Variants in MMUT observed in about 807,000 individuals in gnomAD.
MMUT encodes methylmalonyl-CoA mutase, also known as methylmalonyl-CoA mutase, mitochondrial.
MMUT carries 79 observed loss-of-function variants against 79.9 expected under a neutral mutation model. The observed-to-expected ratio is 0.99, with a 90% CI of 0.82 to 1.19. The LOEUF is 1.19. MMUT is among the 50% of genes most tolerant of loss of function. The pLI is 0.00. For synonymous variants in MMUT, 273 were observed against 295.7 expected, an observed-to-expected ratio of 0.92 and a Z score of 0.79; for missense variants, 860 against 917.2, an observed-to-expected ratio of 0.94 and a Z score of 0.81.
At chr6:49,443,338 T>C (rs550174006) in intron 9 of MMUT, among the ~76,000 whole-genome samples, 1 of 152,262 alleles carries the variant, frequency 6.6e-6, no homozygotes, top group East Asian at 1.9e-4. Flanking sequence ...AGATTCCGAA[T>C]CCCTAAGCTC....
intron 4 of MMUT, 57 bp downstream of exon 4, chr6:49,456,023 A>G (rs760030829): frequency 9.7e-5 from 133 of 1,374,158 alleles, no homozygotes; most frequent in Non-Finnish European, 1.3e-4. Flanking sequence ...ATCAATATAT[A>G]AAATGGTCCT....
At chr6:49,455,104 T>G (rs1004116121) in intron 4 of MMUT, among the ~76,000 whole-genome samples, 1 of 151,900 alleles carries the variant, frequency 6.6e-6, no homozygotes, top group Non-Finnish European at 1.5e-5. Flanking sequence ...GTAACATTTC[T>G]TATGAAAAAT....
chr6:49,440,101 A>C, intron 11 of MMUT, 105 bp downstream of exon 11: 1 of 1,403,790 alleles, frequency 7.1e-7, no homozygotes, highest in Non-Finnish European at 1.0e-6. Flanking sequence ...ACCAGTTACC[A>C]GGAGATGTAT....
Position 49,434,049 on chromosome 6 carries a change from A to T in MMUT, c.2124+1407T>A, listed in dbSNP as rs1767057337. Reference sequence around the variant, plus strand: ...ATGTCAGCTCACTTATATAACAGGCATTTTTTTTTTCTCAACATGAATTCC... The same window carrying T: ...ATGTCAGCTCACTTATATAACAGGCTTTTTTTTTTTCTCAACATGAATTCC... On this transcript the variant is annotated intron_variant, in intron 12 of 12. Coordinates refer to ENST00000274813, the MANE Select transcript of MMUT (RefSeq NM_000255.4). Among the ~76,000 whole-genome samples, 4 of 149,918 alleles carry T rather than the reference A, an allele frequency of 2.7e-5. No individual in the cohort carries two copies. In the South Asian group the frequency reaches 8.4e-4, roughly 32 times the overall value.
chr6:49,457,614 A>G (rs1767721210), intron 3 of MMUT, 77 bp downstream of exon 3: 1 of 1,284,406 alleles, frequency 7.8e-7, no homozygotes, highest in Non-Finnish European at 1.1e-6. Context: ...TAAATTTTTA[A>G]ATTCAGTTAT....
At chr6:49,435,319 C>T in intron 12 of MMUT, 137 bp downstream of exon 12, 1 of 899,932 alleles carries the variant, frequency 1.1e-6, no homozygotes, top group Non-Finnish European at 1.7e-6. Flanking sequence ...CACTTTTAGA[C>T]CTTGTAGAAT....
chr6:49,442,448 C>T (rs1409107184), intron 9 of MMUT, among the ~76,000 whole-genome samples: 2 of 151,854 alleles, frequency 1.3e-5, no homozygotes, highest in East Asian at 1.9e-4. Flanking sequence ...ATAAATGAGA[C>T]CAAAGAAAAA....
At chr6:49,442,076 G>T (rs1767292067) in intron 9 of MMUT, 105 bp from the exon 10 acceptor site, 3 of 1,256,074 alleles carry the variant, frequency 2.4e-6, no homozygotes, top group South Asian at 1.4e-5. Flanking sequence ...ATAAGTAAAT[G>T]ACTGTAAAAA....
At position 49,431,670 on chromosome 6, in the gene MMUT, C is replaced by T. The variant is rs1468744401; in HGVS notation, c.*58G>A. ...TAAATTGAAGACATAGCTTTACTCTCTTCTTTGATCATAACTAAAATAATA... is the reference window on the plus strand; with the variant it reads ...TAAATTGAAGACATAGCTTTACTCTTTTCTTTGATCATAACTAAAATAATA... On this transcript the variant is annotated 3_prime_UTR_variant, in exon 13 of 13. Coordinates refer to ENST00000274813, the MANE Select transcript of MMUT (RefSeq NM_000255.4). The T allele has an allele frequency of 3.2e-6, 5 of 1,555,984 alleles. No individual in the cohort carries two copies. Among genetic ancestry groups the T allele is most frequent in the Non-Finnish European group, 4.4e-6 (5 of 1,130,564 alleles).
In MMUT at chr6:49,444,754, T is replaced by C. The variant is rs1309799077; in HGVS notation, c.1561A>G (p.Ile521Val). The change falls in exon 9 of 13, where the codon ATC becomes GTC. Residue 521 changes from isoleucine to valine, a missense_variant and splice_region_variant. Physicochemically the swap from Ile to Val is conservative, Grantham distance 29 (BLOSUM62 3). Transcript: ENST00000274813. ...AAAGCTTGATCCCTGCTGGATTTGA[T>C]CTATGGAAAAAGTCAAGGAAAGGGA... The part of the protein sequence containing the change: ...RNRQIEKLKK[I>V]KSSRDQALAE... 6.2e-7 allele frequency: 1 copy of C among 1,610,416 alleles called. No homozygotes were observed. Among genetic ancestry groups the C allele is most frequent in the Admixed American group, 1.7e-5 (1 of 59,910 alleles).
In MMUT at chr6:49,453,645, G is replaced by GT. The variant is rs752898811; in HGVS notation, c.1022dup (p.Asn341LysfsTer20). ...GTGCTCTTAGAAGAAGAGATTTTGA[G>GT]TTTTTAGGCTGAAACATTTTCTCTA... On this transcript the variant is annotated frameshift_variant, in exon 5 of 13. Coordinates refer to ENST00000274813, the MANE Select transcript of MMUT (RefSeq NM_000255.4). LOFTEE classifies it high-confidence loss of function. The GT allele has an allele frequency of 3.1e-6, 5 of 1,613,094 alleles. No individual in the cohort carries two copies. In the Admixed American group the frequency reaches 8.3e-5, roughly 27 times the overall value.
At chr6:49,458,094 A>G in intron 2 of MMUT, 36 bp from the exon 3 acceptor site, 1 of 1,591,884 alleles carries the variant, frequency 6.3e-7, no homozygotes, top group Non-Finnish European at 8.5e-7. Flanking sequence ...AAGATTCAAG[A>G]GTCTGGAATC....
intron 11 of MMUT, among the ~76,000 whole-genome samples, chr6:49,436,108 T>C (rs1422919636): frequency 6.6e-6 from 1 of 152,066 alleles, no homozygotes; most frequent in Admixed American, 6.5e-5. Context: ...TGGCTATTAT[T>C]AAAAAGTCAA....
intron 2 of MMUT, 67 bp from the exon 3 acceptor site, chr6:49,458,125 T>C: frequency 6.8e-7 from 1 of 1,469,054 alleles, no homozygotes; most frequent in Non-Finnish European, 9.3e-7. Context: ...GATTTACTTT[T>C]AACACTACTA....
At chr6:49,444,777 G>T (rs1054219157) in intron 8 of MMUT, 23 bp from the exon 9 acceptor site, 1 of 1,553,232 alleles carries the variant, frequency 6.4e-7, no homozygotes, top group Non-Finnish European at 8.9e-7. Flanking sequence ...TCAAGGAAAG[G>T]GACAATTTAC....
intron 11 of MMUT, among the ~76,000 whole-genome samples, chr6:49,436,674 G>A (rs571834299): frequency 2.0e-5 from 3 of 151,530 alleles, no homozygotes; most frequent in African/African-American, 7.3e-5. Context: ...GCAAAGACAT[G>A]GAATCAACCT....
intron 4 of MMUT, among the ~76,000 whole-genome samples, chr6:49,455,837 CTTAA>C (rs771286557): frequency 6.6e-6 from 1 of 152,114 alleles, no homozygotes. Flanking sequence ...AAATGTGGAA[CTTAA>C]TTGTGTTCTC....
intron 1 of MMUT, among the ~76,000 whole-genome samples, chr6:49,461,128 G>A (rs1336715565): frequency 2.0e-5 from 3 of 152,116 alleles, no homozygotes. Context: ...TGTTTAGAAA[G>A]CTGGCAAAAC....
At chr6:49,457,620 G>A (rs1371301777) in intron 3 of MMUT, 71 bp downstream of exon 3, 14 of 1,329,322 alleles carry the variant, frequency 1.1e-5, no homozygotes, top group Non-Finnish European at 1.5e-5. Context: ...TTTAAATTCA[G>A]TTATAGCATG....
Sources: gnomAD v4.1 joint callset for allele counts (sites outside exome capture counted in the v4.1 genomes callset) on GRCh38, gnomAD v4.1.1 for gene constraint, MANE v1.5 for transcripts, NCBI Gene and HGNC (gene_info 2026-07-23, HGNC 2026-07-21) for gene names.